The following CDH23 variants were observed in gnomAD, a reference collection of about 807,000 sequenced individuals.
The protein encoded by CDH23 is cadherin-23.
A neutral mutation model predicts 317.1 loss-of-function variants in CDH23; 189 were observed. The ratio of observed to expected loss-of-function variants is 0.60; its 90% CI spans 0.53 to 0.67. The LOEUF is 0.67. CDH23 is among the 30% of genes least tolerant of loss of function. The probability of loss-of-function intolerance (pLI) is 0.00; values close to 1 mark genes in which losing one functional copy is unlikely to be tolerated. For missense variants in CDH23, 4,401 were observed against 4,592.4 expected (o/e 0.96, Z 1.20); for synonymous variants, 1,839 against 1,876.8 (o/e 0.98, Z 0.52).
chr10:71,594,459 C>A (rs565684980), intron 9 of CDH23, among the ~76,000 whole-genome samples: 1 of 152,092 alleles, frequency 6.6e-6, no homozygotes, highest in African/African-American at 2.4e-5. Flanking sequence ...CCACAAACTC[C>A]GCCTCCTGAG....
chr10:71,810,841 G>A (rs909199974), intron 62 of CDH23, among the ~76,000 whole-genome samples: 4 of 152,140 alleles, frequency 2.6e-5, no homozygotes, highest in Admixed American at 6.5e-5. Context: ...AGCACTTTGG[G>A]AGGCCAAGCC....
At chr10:71,510,892 C>T (rs1490214100) in intron 4 of CDH23, 62 bp from the exon 5 acceptor site, 2 of 1,558,626 alleles carry the variant, frequency 1.3e-6, no homozygotes, top group East Asian at 2.2e-5. Context: ...CCATTTAGGG[C>T]CCAGGACCCA....
At chr10:71,760,010 TACACACACACATATATAC>T (rs1564779604) in intron 38 of CDH23, among the ~76,000 whole-genome samples, 4 of 96,564 alleles carry the variant, frequency 4.1e-5, no homozygotes, top group African/African-American at 1.2e-4. Context: ...TACATATATA[TACACACACACATATATAC>T]ACACACACAC....
chr10:71,741,821 G>C lies in CDH23; in HGVS notation c.4745G>C (p.Ser1582Thr). ...ATGGCCTTCCGCATGGACCGCATCA[G>C]CGGTGAGATCGCCACACGGCCTGCC... ...KDMAFRMDRI[S>T]GEIATRPAPP... The change falls in exon 38 of 70, where the codon AGC becomes ACC. Residue 1582 changes from serine (S) to threonine (T), a missense_variant. By Grantham distance (58) the Ser-to-Thr change is moderately conservative. Coordinates refer to ENST00000224721, the MANE Select transcript of CDH23 (RefSeq NM_022124.6). 6.2e-7 allele frequency: 1 copy of C among 1,612,034 alleles called. No homozygotes were observed. The highest frequency in any genetic ancestry group is 8.5e-7 in the Non-Finnish European group (1 of 1,179,192).
chr10:71,628,511 G>T (rs10740385), intron 11 of CDH23, among the ~76,000 whole-genome samples: 108,730 of 151,576 alleles, frequency 0.72, 40,397 homozygotes, highest in South Asian at 0.89. Context: ...GATAATTTTT[G>T]TTTTTGAGAC....
chr10:71,780,853 C>G (rs1464929674), intron 41 of CDH23, among the ~76,000 whole-genome samples: 1 of 152,116 alleles, frequency 6.6e-6, no homozygotes, highest in East Asian at 1.9e-4. Flanking sequence ...GTGGTGGCAT[C>G]ACCACCAAAG....
chr10:71,642,229 G>A (rs1291320418), intron 11 of CDH23, among the ~76,000 whole-genome samples: 1 of 152,002 alleles, frequency 6.6e-6, no homozygotes, highest in African/African-American at 2.4e-5. Flanking sequence ...ATCTCAGTTT[G>A]TTCTGGTAAC....
intron 36 of CDH23, among the ~76,000 whole-genome samples, chr10:71,740,173 T>C (rs1470629578): frequency 6.6e-6 from 1 of 152,100 alleles, no homozygotes; most frequent in African/African-American, 2.4e-5. Flanking sequence ...GCCTGCCCTG[T>C]GGAGGGAAGA....
At chr10:71,442,210 G>A (rs1589313250) in intron 2 of CDH23, among the ~76,000 whole-genome samples, 2 of 152,360 alleles carry the variant, frequency 1.3e-5, no homozygotes, top group East Asian at 3.9e-4. Context: ...AAGCGTGTAT[G>A]GTCGGCCTGC....
chr10:71,480,062 GT>G (rs201859755), intron 3 of CDH23, among the ~76,000 whole-genome samples: 27,204 of 152,072 alleles, frequency 0.18, 2,818 homozygotes, highest in Middle Eastern at 0.2. Flanking sequence ...AGAATCCACC[GT>G]GGCACAGGGA....
intron 7 of CDH23, among the ~76,000 whole-genome samples, chr10:71,568,403 A>G (rs1422733652): frequency 6.6e-6 from 1 of 152,212 alleles, no homozygotes; most frequent in East Asian, 1.9e-4. Flanking sequence ...GCTGTGGGAT[A>G]ATTTCCACCC....
At chr10:71,787,174 A>T (rs537763122) in intron 44 of CDH23, among the ~76,000 whole-genome samples, 13 of 152,252 alleles carry the variant, frequency 8.5e-5, no homozygotes, top group African/African-American at 3.1e-4. Flanking sequence ...ATTCAATCCC[A>T]TTTGCCACAC....
Position 71,813,361 on chromosome 10 carries a change from G to C in CDH23, c.9738+13G>C, listed in dbSNP as rs1307043408. On this transcript the variant is annotated intron_variant, in intron 69 of 69. Coordinates refer to ENST00000224721, the MANE Select transcript of CDH23 (RefSeq NM_022124.6). The stretch of plus-strand genomic sequence containing the variant: ...CTCCATCTCTGAGGTAGCCGGCTGG[G>C]TGGCTGGGAGCTGTGTGCTGTGCCC... 6.5e-7 allele frequency: 1 copy of C among 1,547,440 alleles called. No homozygotes were observed. Among genetic ancestry groups the C allele is most frequent in the African/African-American group, 1.4e-5 (1 of 72,958 alleles).
intron 3 of CDH23, among the ~76,000 whole-genome samples, chr10:71,497,781 C>A (rs1853057985): frequency 6.6e-6 from 1 of 152,216 alleles, no homozygotes; most frequent in Admixed American, 6.5e-5. Context: ...GCTCCTCCAC[C>A]TGCTAGCTGT....
chr10:71,588,814 G>A (rs566008473), intron 9 of CDH23, among the ~76,000 whole-genome samples: 1 of 152,312 alleles, frequency 6.6e-6, no homozygotes, highest in East Asian at 1.9e-4. Flanking sequence ...GCCGCTGCAG[G>A]TGGGTAACTC....
intron 28 of CDH23, among the ~76,000 whole-genome samples, chr10:71,722,363 CAG>C (rs1375771202): frequency 1.3e-5 from 2 of 152,200 alleles, no homozygotes; most frequent in Non-Finnish European, 2.9e-5. Context: ...AAAAATCAAA[CAG>C]GGAGCGAGGC....
At position 71,397,557 on chromosome 10, in the gene CDH23, A is replaced by G. The variant is rs1847579794; in HGVS notation, c.-6+239A>G. On this transcript the variant is annotated intron_variant, in intron 1 of 69. Transcript: ENST00000224721. This position sits in a 1 kb window ranked among gnomAD's most constrained non-coding sequence, Gnocchi z 4.8. ...GGCAACTTTGATTCCTGGGAACTCG[A>G]ATTCCATTCGCGTTGGCCTTGGGAG... 6.6e-6 allele frequency among the ~76,000 whole-genome samples: 1 copy of G among 151,994 alleles called. No homozygotes were observed. The highest frequency in any genetic ancestry group is 2.4e-5 in the African/African-American group (1 of 41,404).
intron 41 of CDH23, among the ~76,000 whole-genome samples, chr10:71,780,349 A>G (rs924039578): frequency 3.3e-5 from 5 of 152,204 alleles, no homozygotes; most frequent in African/African-American, 1.2e-4. Context: ...GCTAAGGGCT[A>G]TGGAGAAAAA....
intron 25 of CDH23, among the ~76,000 whole-genome samples, chr10:71,705,387 C>G (rs1407394326): frequency 1.3e-5 from 2 of 152,204 alleles, no homozygotes; most frequent in African/African-American, 4.8e-5. Flanking sequence ...CCCATCAACC[C>G]CACCCCTCCT....
Sources: gnomAD v4.1 joint callset for allele counts (sites outside exome capture counted in the v4.1 genomes callset) on GRCh38, gnomAD v4.1.1 for gene constraint, Gnocchi (gnomAD v3.1) non-coding constraint, MANE v1.5 for transcripts, NCBI Gene and HGNC (gene_info 2026-07-23, HGNC 2026-07-21) for gene names.